NDUFAF2: variants seen among roughly 807,000 people sequenced by gnomAD.
The protein encoded by NDUFAF2 is NADH:ubiquinone oxidoreductase complex assembly factor 2, also known as NADH dehydrogenase [ubiquinone] 1 alpha subcomplex assembly factor 2.
NDUFAF2 carries 13 observed loss-of-function variants against 22.8 expected under a neutral mutation model. The ratio of observed to expected loss-of-function variants is 0.57; its 90% CI spans 0.37 to 0.91. The LOEUF (loss-of-function observed/expected upper bound fraction) is 0.91. Ranked by LOEUF, NDUFAF2 falls within the 40% of genes least tolerant of loss-of-function variation. The probability of loss-of-function intolerance (pLI) is 0.01; values close to 1 mark genes in which losing one functional copy is unlikely to be tolerated. For synonymous variants in NDUFAF2, 53 were observed against 64.2 expected, an observed-to-expected ratio of 0.83 and a Z score of 0.84; for missense variants, 162 against 195.2, an observed-to-expected ratio of 0.83 and a Z score of 1.01.
intron 2 of NDUFAF2, among the ~76,000 whole-genome samples, chr5:61,098,666 G>A (rs1752672115): frequency 6.6e-6 from 1 of 152,182 alleles, no homozygotes; most frequent in Admixed American, 6.6e-5. Context: ...TGGCTTGTAT[G>A]CCATAAATAT....
chr5:60,988,150 G>A (rs1384502249), intron 1 of NDUFAF2, among the ~76,000 whole-genome samples: 1 of 152,148 alleles, frequency 6.6e-6, no homozygotes, highest in Non-Finnish European at 1.5e-5. Context: ...CAAGTGAAGA[G>A]CCGTATCAGG....
intron 1 of NDUFAF2, among the ~76,000 whole-genome samples, chr5:61,015,754 A>T (rs1751498943): frequency 6.6e-6 from 1 of 152,230 alleles, no homozygotes; most frequent in Admixed American, 6.5e-5. Context: ...TTTAAAAATG[A>T]TTAAAAAATC....
chr5:61,113,582 C>A (rs889695055), intron 3 of NDUFAF2, among the ~76,000 whole-genome samples: 3 of 152,042 alleles, frequency 2.0e-5, no homozygotes, highest in Non-Finnish European at 2.9e-5. Flanking sequence ...TAAGTGAGTT[C>A]TCACACAATC....
At chr5:60,981,709 G>A (rs1580077899) in intron 1 of NDUFAF2, among the ~76,000 whole-genome samples, 1 of 152,064 alleles carries the variant, frequency 6.6e-6, no homozygotes. Flanking sequence ...GTTTTTATTA[G>A]CAGAGCTATA....
rs1282164344 is a variant in NDUFAF2 at position 61,152,966 on chromosome 5, G to A, written c.*11G>A. On this transcript the variant is annotated 3_prime_UTR_variant, in exon 4 of 4. Coordinates refer to ENST00000296597, the MANE Select transcript of NDUFAF2 (RefSeq NM_174889.5). ...AGCCACAATCAATGAATGCATTATGGTCAAATCTTTTCATGTATATGGATG... is the reference window on the plus strand; with the variant it reads ...AGCCACAATCAATGAATGCATTATGATCAAATCTTTTCATGTATATGGATG... The A allele has an allele frequency of 1.9e-6, 3 of 1,613,434 alleles. No homozygotes were observed. The highest frequency in any genetic ancestry group is 1.3e-5 in the African/African-American group (1 of 74,888).
chr5:61,134,870 A>C (rs1172020309), intron 3 of NDUFAF2, among the ~76,000 whole-genome samples: 1 of 152,114 alleles, frequency 6.6e-6, no homozygotes, highest in Admixed American at 6.6e-5. Context: ...TAAAATTTTA[A>C]AAAATGTTTG....
intron 1 of NDUFAF2, among the ~76,000 whole-genome samples, chr5:60,977,036 T>TTAA (rs1262758130): frequency 1.3e-5 from 2 of 152,196 alleles, no homozygotes; most frequent in African/African-American, 4.8e-5. Context: ...ACAAATTACT[T>TTAA]TCTCTTAGAT....
intron 2 of NDUFAF2, among the ~76,000 whole-genome samples, chr5:61,075,710 TATCA>T (rs1752360769): frequency 6.6e-6 from 1 of 152,204 alleles, no homozygotes; most frequent in Non-Finnish European, 1.5e-5. Flanking sequence ...AAAACAAATG[TATCA>T]ATCAAACACT....
chr5:61,102,132 A>G (rs116156360), intron 3 of NDUFAF2, among the ~76,000 whole-genome samples: 3,335 of 152,290 alleles, frequency 0.022, 51 homozygotes, highest in South Asian at 0.039. Flanking sequence ...ATGAATATCC[A>G]GTTAAAACCA....
chr5:60,979,818 C>A (rs570870826), intron 1 of NDUFAF2, among the ~76,000 whole-genome samples: 1 of 152,270 alleles, frequency 6.6e-6, no homozygotes, highest in Admixed American at 6.5e-5. Flanking sequence ...CTTGAGAGAA[C>A]ATAGATGGGG....
chr5:60,997,923 A>T (rs1361025454), intron 1 of NDUFAF2, among the ~76,000 whole-genome samples: 1 of 152,202 alleles, frequency 6.6e-6, no homozygotes, highest in Non-Finnish European at 1.5e-5. Context: ...GCCACCTTCC[A>T]GGCTTCCTAC....
intron 1 of NDUFAF2, among the ~76,000 whole-genome samples, chr5:60,957,468 T>C (rs1009834710): frequency 2.0e-5 from 3 of 151,350 alleles, no homozygotes; most frequent in African/African-American, 7.3e-5. Flanking sequence ...TATAATGTTA[T>C]AATGTTCTTG....
chr5:61,120,639 T>C (rs1752963964), intron 3 of NDUFAF2, among the ~76,000 whole-genome samples: 1 of 152,162 alleles, frequency 6.6e-6, no homozygotes, highest in South Asian at 2.1e-4. Flanking sequence ...GAATTATTTT[T>C]AGATATACTC....
intron 1 of NDUFAF2, among the ~76,000 whole-genome samples, chr5:61,055,362 A>G (rs1412078397): frequency 6.6e-6 from 1 of 152,206 alleles, no homozygotes; most frequent in Non-Finnish European, 1.5e-5. Flanking sequence ...TCATTGCTTC[A>G]TATTAGCAAA....
chr5:61,019,837 G>T (rs1459809359), intron 1 of NDUFAF2, among the ~76,000 whole-genome samples: 1 of 151,972 alleles, frequency 6.6e-6, no homozygotes, highest in East Asian at 1.9e-4. Context: ...CTTAAAAAGA[G>T]CTGAATCATT....
intron 3 of NDUFAF2, among the ~76,000 whole-genome samples, chr5:61,145,044 A>C (rs1741118883): frequency 6.6e-6 from 1 of 152,192 alleles, no homozygotes; most frequent in Admixed American, 6.6e-5. Context: ...TATCATGCCT[A>C]ATATCTGTGA....
intron 1 of NDUFAF2, among the ~76,000 whole-genome samples, chr5:61,059,692 G>T (rs930647346): frequency 6.6e-6 from 1 of 152,030 alleles, no homozygotes; most frequent in African/African-American, 2.4e-5. Context: ...TTGTAAATAT[G>T]AGGAAGCTAA....
At chr5:60,947,407 T>C (rs1476135532) in intron 1 of NDUFAF2, among the ~76,000 whole-genome samples, 1 of 152,224 alleles carries the variant, frequency 6.6e-6, no homozygotes, top group Non-Finnish European at 1.5e-5. Context: ...GACAGTCTTT[T>C]CATGTGCTTA....
intron 2 of NDUFAF2, among the ~76,000 whole-genome samples, chr5:61,077,390 C>G (rs1386094594): frequency 6.6e-6 from 1 of 152,130 alleles, no homozygotes; most frequent in Non-Finnish European, 1.5e-5. Flanking sequence ...ATCAAAATGT[C>G]AAATGAGGTC....
Sources: gnomAD v4.1 joint callset for allele counts (sites outside exome capture counted in the v4.1 genomes callset) on GRCh38, gnomAD v4.1.1 for gene constraint, MANE v1.5 for transcripts, NCBI Gene and HGNC (gene_info 2026-07-23, HGNC 2026-07-21) for gene names.